ENTHD1: variants seen among roughly 807,000 people sequenced by gnomAD.
The protein encoded by ENTHD1 is ENTH domain containing 1.
In ENTHD1, 23 loss-of-function variants were observed where a neutral mutation model predicts 39.1. That is an observed-to-expected ratio of 0.59 (90% CI 0.42 to 0.83). The LOEUF (loss-of-function observed/expected upper bound fraction) is 0.83. Among genes scored for constraint, ENTHD1 ranks in the 40% least tolerant of loss-of-function variants. The pLI is 0.00. For synonymous variants in ENTHD1, 230 were observed against 258.2 expected (o/e 0.89, Z 1.05); for missense variants, 624 against 705.4 (o/e 0.88, Z 1.31).
At chr22:39,807,903 G>T (rs1256431704) in intron 5 of ENTHD1, among the ~76,000 whole-genome samples, 1 of 151,792 alleles carries the variant, frequency 6.6e-6, no homozygotes, top group East Asian at 1.9e-4. Context: ...GTGTGTGTGT[G>T]TGTGTGTGTG....
chr22:39,853,153 T>C (rs1214520985), intron 3 of ENTHD1, among the ~76,000 whole-genome samples: 2 of 152,134 alleles, frequency 1.3e-5, no homozygotes, highest in Non-Finnish European at 2.9e-5. Flanking sequence ...CTCTTGGAAA[T>C]TGCTACTTTA....
intron 5 of ENTHD1, among the ~76,000 whole-genome samples, chr22:39,777,200 A>C (rs2065371879): frequency 6.6e-6 from 1 of 152,230 alleles, no homozygotes; most frequent in South Asian, 2.1e-4. Flanking sequence ...TTATAAATTA[A>C]TATAGAGGGG....
chr22:39,821,030 C>A lies in ENTHD1; in HGVS notation c.795G>T (p.Leu265Phe), dbSNP rs759198692. The change falls in exon 5 of 7, where the codon TTG becomes TTT. Residue 265 changes from leucine (L) to phenylalanine (F), a missense_variant. Coordinates refer to ENST00000325157, the MANE Select transcript of ENTHD1 (RefSeq NM_152512.4). ...GATTACAAACTTCTTCTGCTTCTGACAAGCAAGTGATTGGAGAGACAATGG... is the reference window on the plus strand; with the variant it reads ...GATTACAAACTTCTTCTGCTTCTGAAAAGCAAGTGATTGGAGAGACAATGG... ...PPSIVSPITC[L>F]SEAEEVCNLS... The A allele has an allele frequency of 6.2e-7, 1 of 1,613,918 alleles. No homozygotes were observed. The highest frequency in any genetic ancestry group is 2.2e-5 in the East Asian group (1 of 44,870).
At chr22:39,858,380 T>G (rs1271626680) in intron 3 of ENTHD1, among the ~76,000 whole-genome samples, 1 of 152,214 alleles carries the variant, frequency 6.6e-6, no homozygotes, top group Non-Finnish European at 1.5e-5. Context: ...TGCAGTTCCT[T>G]CCTCCACTGA....
intron 2 of ENTHD1, among the ~76,000 whole-genome samples, chr22:39,885,450 C>T (rs959589735): frequency 6.6e-6 from 1 of 152,146 alleles, no homozygotes; most frequent in Non-Finnish European, 1.5e-5. Flanking sequence ...AGCAGCTCCT[C>T]AAAAAGCTAA....
intron 2 of ENTHD1, among the ~76,000 whole-genome samples, chr22:39,881,495 T>C (rs2066338063): frequency 6.6e-6 from 1 of 152,248 alleles, no homozygotes; most frequent in Non-Finnish European, 1.5e-5. Context: ...TCTGATTTGT[T>C]TTCCCAATGT....
chr22:39,775,061 A>C (rs2065356171), intron 5 of ENTHD1, among the ~76,000 whole-genome samples: 1 of 152,114 alleles, frequency 6.6e-6, no homozygotes, highest in Non-Finnish European at 1.5e-5. Flanking sequence ...AAATGAATCC[A>C]TTTTCTCTGC....
intron 2 of ENTHD1, among the ~76,000 whole-genome samples, chr22:39,864,630 A>G (rs947015089): frequency 2.0e-5 from 3 of 152,160 alleles, no homozygotes; most frequent in African/African-American, 7.2e-5. Context: ...CACACAGTAG[A>G]TGCTCAGTAA....
At chr22:39,841,226 A>C (rs1461967020) in intron 3 of ENTHD1, among the ~76,000 whole-genome samples, 2 of 152,140 alleles carry the variant, frequency 1.3e-5, no homozygotes, top group African/African-American at 4.8e-5. Context: ...TTATCTATTT[A>C]TGTACACATA....
intron 2 of ENTHD1, among the ~76,000 whole-genome samples, chr22:39,879,970 A>G (rs1007859179): frequency 1.2e-4 from 18 of 152,372 alleles, no homozygotes; most frequent in African/African-American, 3.8e-4. Context: ...GCTCATGCCT[A>G]TAATTCCAAC....
intron 4 of ENTHD1, 86 bp downstream of exon 4, chr22:39,835,754 C>T: frequency 2.1e-6 from 2 of 937,372 alleles, no homozygotes; most frequent in Non-Finnish European, 3.2e-6. Flanking sequence ...AGGCTTCTAA[C>T]CTACAGAAGA....
chr22:39,845,657 G>A (rs11089965), intron 3 of ENTHD1, among the ~76,000 whole-genome samples: 34,392 of 152,044 alleles, frequency 0.23, 4,252 homozygotes, highest in African/African-American at 0.31. Context: ...CATAAAATTC[G>A]TAATTGTTTC....
intron 6 of ENTHD1, among the ~76,000 whole-genome samples, chr22:39,756,210 T>C (rs2065182852): frequency 6.6e-6 from 1 of 152,112 alleles, no homozygotes. Flanking sequence ...AATTTGGCCT[T>C]AATTTATCAA....
intron 5 of ENTHD1, among the ~76,000 whole-genome samples, chr22:39,779,962 C>A (rs1460448433): frequency 2.0e-5 from 3 of 152,008 alleles, no homozygotes; most frequent in Non-Finnish European, 4.4e-5. Context: ...AAATGAAAAG[C>A]AATGAATTAA....
chr22:39,744,400 T>G, intron 6 of ENTHD1, 117 bp from the exon 7 acceptor site: 1 of 942,038 alleles, frequency 1.1e-6, no homozygotes, highest in Non-Finnish European at 1.5e-6. Flanking sequence ...ATAAACTGCT[T>G]AGAATTTTAA....
At chr22:39,804,452 CAAAA>C (rs541007024) in intron 5 of ENTHD1, among the ~76,000 whole-genome samples, 2 of 78,052 alleles carry the variant, frequency 2.6e-5, no homozygotes, top group African/African-American at 4.6e-5. Context: ...GACTCTGTCT[CAAAA>C]AAAAAAAAAA....
chr22:39,889,971 A>C (rs1192296753), intron 1 of ENTHD1, among the ~76,000 whole-genome samples: 1 of 151,846 alleles, frequency 6.6e-6, no homozygotes, highest in African/African-American at 2.4e-5. Context: ...GGTGGCACAC[A>C]CCTGTAATCC....
chr22:39,824,054 G>A (rs1310760043), intron 4 of ENTHD1, among the ~76,000 whole-genome samples: 1 of 152,098 alleles, frequency 6.6e-6, no homozygotes, highest in Non-Finnish European at 1.5e-5. Flanking sequence ...TCCTTTGCCA[G>A]ATACGGGGTT....
rs367719406 is a variant in ENTHD1 at position 39,887,657 on chromosome 22, C to T, written c.92G>A (p.Gly31Asp). The T allele has an allele frequency of 7.6e-5, 123 of 1,610,528 alleles. No individual in the cohort carries two copies. Among genetic ancestry groups the T allele is most frequent in the Non-Finnish European group, 1.0e-4 (120 of 1,178,996 alleles). ...ATCTAACATCAGAGAACTAGAGGGA[C>T]CCCAAGGGTCGTTAGAAGTTGCTTC... ...VREATSNDPW[G>D]PSSSLMLDIS... The change falls in exon 2 of 7, where the codon GGT becomes GAT. Residue 31 changes from glycine (G) to aspartate (D), a missense_variant. Gly to Asp is a moderately conservative substitution (Grantham distance 94). Coordinates refer to ENST00000325157, the MANE Select transcript of ENTHD1 (RefSeq NM_152512.4).
Sources: gnomAD v4.1 joint callset for allele counts (sites outside exome capture counted in the v4.1 genomes callset) on GRCh38, gnomAD v4.1.1 for gene constraint, MANE v1.5 for transcripts, NCBI Gene and HGNC (gene_info 2026-07-23, HGNC 2026-07-21) for gene names.